The following CAGE1 variants were observed in gnomAD, a reference collection of about 807,000 sequenced individuals.
The protein encoded by CAGE1 is cancer antigen 1.
In CAGE1, 66 loss-of-function variants were observed where a neutral mutation model predicts 94.9. The ratio of observed to expected loss-of-function variants is 0.70; its 90% CI spans 0.57 to 0.85. CAGE1 has a LOEUF of 0.85. Ranked by LOEUF, CAGE1 falls within the 40% of genes least tolerant of loss-of-function variation. The pLI, the probability that CAGE1 is intolerant of heterozygous loss-of-function variation, is 0.00. For missense variants in CAGE1, 865 were observed against 950.4 expected (o/e 0.91, Z 1.18); for synonymous variants, 319 against 321.0 (o/e 0.99, Z 0.07).
At position 7,378,749 on chromosome 6, in the gene CAGE1, C is replaced by T. The variant is rs1166344746; in HGVS notation, c.555G>A (p.Gln185=). ...TTAGAGGCGGGCTTCTAGGAGGAGG[C>T]TGTCTAAAATACTCGTTACCAAGTT... ...TDQLGNEYFR[Q]PPPRSPPLIH... is the part of the protein sequence containing the mutation. The change falls in exon 4 of 14, where the codon CAG becomes CAA. Residue 185 remains glutamine, a synonymous_variant. Transcript: ENST00000502583. The T allele has an allele frequency of 6.2e-7, 1 of 1,613,956 alleles. No homozygotes were observed. The highest frequency in any genetic ancestry group is 1.7e-5 in the Admixed American group (1 of 60,012).
intron 9 of CAGE1, among the ~76,000 whole-genome samples, chr6:7,356,841 G>C (rs150529338): frequency 0.011 from 1,703 of 152,218 alleles, 27 homozygotes; most frequent in African/African-American, 0.039. Flanking sequence ...CTGTCGCCAA[G>C]GTTGGAGCAC....
rs372599991 is a variant in CAGE1 at position 7,368,743 on chromosome 6, A to C, written c.1949T>G (p.Ile650Arg). ...HFKESEKVSD[I>R]MLQKLKSLHL... ...GAGGCTCTTCAGTTTTTGCAGCATTATATCACTAACCTTCTCACTCTCTTT... is the reference window on the plus strand; with the variant it reads ...GAGGCTCTTCAGTTTTTGCAGCATTCTATCACTAACCTTCTCACTCTCTTT... The change falls in exon 7 of 14, where the codon ATA (isoleucine) becomes AGA (arginine). Residue 650 changes from isoleucine (I) to arginine (R), a missense_variant. Transcript: ENST00000502583. 17 of 1,561,284 alleles carry C rather than the reference A, an allele frequency of 1.1e-5. No homozygotes were observed. The African/African-American group carries it at 2.2e-4, about 20-fold the overall frequency.
rs1022826852 is a variant in CAGE1 at position 7,344,613 on chromosome 6, G to A, written c.2369+10428C>T. Among the ~76,000 whole-genome samples, 9 of 152,204 alleles carry A rather than the reference G, an allele frequency of 5.9e-5. 1 individual carries two copies. Among genetic ancestry groups the A allele is most frequent in the Admixed American group, 2.6e-4 (4 of 15,290 alleles). ...GCTGAGGAGTGCGGGCGTACGGCCC[G>A]AGACTGGAAAGCAGCTCCACCTGCA... On this transcript the variant is annotated intron_variant, in intron 11 of 13. Coordinates refer to ENST00000502583, the MANE Select transcript of CAGE1 (RefSeq NM_001170692.2).
chr6:7,362,085 C>A lies in CAGE1; in HGVS notation c.2193+3383G>T, dbSNP rs1760184577. On this transcript the variant is annotated intron_variant, in intron 9 of 13. Coordinates refer to ENST00000502583, the MANE Select transcript of CAGE1 (RefSeq NM_001170692.2). The surrounding 1 kb of genome is among the most constrained non-coding windows in gnomAD (Gnocchi z 4.1). ...AAATTTTTCCTAAAGCAGTAATTTT[C>A]TACTTTGCCTGTTCCTTTCTTATTC... is the stretch of plus-strand genomic sequence containing the variant. Among the ~76,000 whole-genome samples, 5 of 152,186 alleles carry A rather than the reference C, an allele frequency of 3.3e-5. No homozygotes were observed. In the South Asian group the frequency reaches 1.0e-3, roughly 31 times the overall value.
intron 9 of CAGE1, among the ~76,000 whole-genome samples, chr6:7,363,195 T>C (rs1013657448): frequency 1.3e-5 from 2 of 152,050 alleles, no homozygotes; most frequent in African/African-American, 4.8e-5. Context: ...GCTTGAACCC[T>C]GGGGGCGGAG....
chr6:7,331,342 T>G, intron 12 of CAGE1: 1 of 1,070,418 alleles, frequency 9.3e-7, no homozygotes, highest in South Asian at 1.5e-5. Flanking sequence ...CCCGTAAGTC[T>G]GGACAAGGCA....
intron 11 of CAGE1, among the ~76,000 whole-genome samples, chr6:7,345,606 C>T (rs144618163): frequency 1.8e-4 from 27 of 152,306 alleles, no homozygotes; most frequent in African/African-American, 5.8e-4. Flanking sequence ...TAGTAAACAG[C>T]TGTTTCTAAC....
At chr6:7,381,909 G>A (rs1398889837) in intron 3 of CAGE1, among the ~76,000 whole-genome samples, 7 of 149,876 alleles carry the variant, frequency 4.7e-5, no homozygotes, top group Admixed American at 2.0e-4. Flanking sequence ...GCGCGATCTC[G>A]GCTCGCTGCA....
intron 4 of CAGE1, among the ~76,000 whole-genome samples, chr6:7,376,318 G>A (rs1184629283): frequency 6.6e-6 from 1 of 152,054 alleles, no homozygotes; most frequent in African/African-American, 2.4e-5. Flanking sequence ...GAACCCGGGA[G>A]GCGGAGGTTG....
Position 7,339,415 on chromosome 6 carries a change from C to A in CAGE1, c.2370-5325G>T. 2.0e-6 allele frequency: 3 copies of A among 1,537,632 alleles called. No homozygotes were observed. Among genetic ancestry groups the A allele is most frequent in the Non-Finnish European group, 2.7e-6 (3 of 1,111,490 alleles). On this transcript the variant is annotated intron_variant, in intron 11 of 13. Transcript: ENST00000502583. This position sits in a 1 kb window ranked among gnomAD's most constrained non-coding sequence, Gnocchi z 4.7. ...CCAAGAACATTCTGTGTTCTGGTGGCTAAGACAATGATTTCTGTCCTGGTT... is the reference window on the plus strand; with the variant it reads ...CCAAGAACATTCTGTGTTCTGGTGGATAAGACAATGATTTCTGTCCTGGTT...
At position 7,373,412 on chromosome 6, in the gene CAGE1, A is replaced by G; in HGVS notation, c.1407T>C (p.Ala469=). 6.2e-7 allele frequency: 1 copy of G among 1,613,898 alleles called. No individual in the cohort carries two copies. Among genetic ancestry groups the G allele is most frequent in the Non-Finnish European group, 8.5e-7 (1 of 1,179,852 alleles). ...CTTTTTCCCGTTTCAACAAGTCCAA[A>G]GCAGAAGCTGTGGCCTTTTCCAGTT... ...KKELEKATAS[A]LDLLKREKEA... The change falls in exon 5 of 14, where the codon GCT becomes GCC. Residue 469 remains alanine, a synonymous_variant. Transcript: ENST00000502583.
chr6:7,382,605 A>C (rs1760976980), intron 3 of CAGE1, among the ~76,000 whole-genome samples: 1 of 149,372 alleles, frequency 6.7e-6, no homozygotes, highest in Non-Finnish European at 1.5e-5. Flanking sequence ...CCAGCCCTGC[A>C]TTTCTCATGT....
chr6:7,344,431 A>G (rs1017918303), intron 11 of CAGE1, among the ~76,000 whole-genome samples: 1 of 152,154 alleles, frequency 6.6e-6, no homozygotes, highest in Non-Finnish European at 1.5e-5. Context: ...TCGATTTCTC[A>G]CCGTGCCTTA....
chr6:7,333,791 C>CG (rs527652262), intron 12 of CAGE1, among the ~76,000 whole-genome samples: 20,550 of 127,926 alleles, frequency 0.16, 1,727 homozygotes, highest in African/African-American at 0.31. Flanking sequence ...GCCTCAGCCC[C>CG]CCAGTAGCTG....
intron 1 of CAGE1, among the ~76,000 whole-genome samples, chr6:7,387,451 A>T (rs1761158328): frequency 1.3e-5 from 2 of 152,104 alleles, no homozygotes; most frequent in African/African-American, 4.8e-5. Context: ...AAGTGAAGGG[A>T]TCTCTGTGTT....
At chr6:7,386,250 A>G (rs1417053678) in intron 2 of CAGE1, among the ~76,000 whole-genome samples, 1 of 152,230 alleles carries the variant, frequency 6.6e-6, no homozygotes, top group Non-Finnish European at 1.5e-5. Context: ...GAAGATATAT[A>G]AAACAGGCAT....
chr6:7,383,304 ACAGCATTTT>A (rs1476890987), intron 3 of CAGE1, among the ~76,000 whole-genome samples: 1 of 152,224 alleles, frequency 6.6e-6, no homozygotes, highest in African/African-American at 2.4e-5. Context: ...ACAGACTAAT[ACAGCATTTT>A]CTACACTTCT....
intron 13 of CAGE1, among the ~76,000 whole-genome samples, chr6:7,328,221 C>T (rs79358471): frequency 0.032 from 4,921 of 152,226 alleles, 183 homozygotes; most frequent in African/African-American, 0.087. Context: ...TATTTAGTAC[C>T]TTTTATGAGA....
At chr6:7,385,727 C>G in intron 3 of CAGE1, 58 bp downstream of exon 3, 1 of 1,009,088 alleles carries the variant, frequency 9.9e-7, no homozygotes, top group Non-Finnish European at 1.4e-6. Context: ...TTGTTACTAT[C>G]ACGGAACACA....
Sources: allele counts gnomAD v4.1 joint callset (sites outside exome capture counted in the v4.1 genomes callset), GRCh38; gene constraint gnomAD v4.1.1; non-coding constraint Gnocchi (gnomAD v3.1); transcripts MANE v1.5; gene names NCBI Gene and HGNC (gene_info 2026-07-23, HGNC 2026-07-21).